The following RBFOX1 variants were observed in gnomAD, a reference collection of about 807,000 sequenced individuals.
RBFOX1 encodes the protein RNA binding protein fox-1 homolog 1.
A neutral mutation model predicts 57.7 loss-of-function variants in RBFOX1; 8 were observed. The ratio of observed to expected loss-of-function variants is 0.14; its 90% CI spans 0.08 to 0.25. RBFOX1 has a LOEUF of 0.25. Ranked by LOEUF, RBFOX1 falls within the 10% of genes least tolerant of loss-of-function variation. The probability of loss-of-function intolerance (pLI) is 1.00; values close to 1 mark genes in which losing one functional copy is unlikely to be tolerated. For synonymous variants in RBFOX1, 326 were observed against 222.4 expected, an observed-to-expected ratio of 1.47 and a Z score of -4.15; for missense variants, 611 against 548.5, an observed-to-expected ratio of 1.11 and a Z score of -1.14.
intron 3 of RBFOX1, among the ~76,000 whole-genome samples, chr16:6,864,990 T>TTTTTC (rs1275839686): frequency 1.2e-5 from 1 of 85,794 alleles, no homozygotes; most frequent in Non-Finnish European, 2.1e-5. Context: ...TGGGTTTTTC[T>TTTTTC]TTTTCTTTTT....
intron 1 of RBFOX1, among the ~76,000 whole-genome samples, chr16:6,304,573 G>A (rs978757873): frequency 2.0e-5 from 3 of 152,060 alleles, no homozygotes; most frequent in African/African-American, 7.2e-5. Flanking sequence ...ACTCAGAGGG[G>A]AGACGTTACT....
intron 4 of RBFOX1, among the ~76,000 whole-genome samples, chr16:7,350,642 A>G (rs1030142105): frequency 2.4e-4 from 36 of 152,160 alleles, no homozygotes; most frequent in Admixed American, 3.9e-4. Flanking sequence ...ACTGGTGAAG[A>G]CGACCAGTAC....
At chr16:6,903,403 G>A (rs781663015) in intron 3 of RBFOX1, among the ~76,000 whole-genome samples, 1 of 152,160 alleles carries the variant, frequency 6.6e-6, no homozygotes, top group Non-Finnish European at 1.5e-5. Flanking sequence ...CCAGTTCTGC[G>A]CTCCAATTAA....
At chr16:6,327,040 A>G (rs1417768122) in intron 2 of RBFOX1, among the ~76,000 whole-genome samples, 1 of 152,148 alleles carries the variant, frequency 6.6e-6, no homozygotes, top group African/African-American at 2.4e-5. Context: ...CTCTGAAGAC[A>G]TGGAGGAAAT....
intron 14 of RBFOX1, among the ~76,000 whole-genome samples, chr16:7,680,245 G>A (rs2074387007): frequency 6.6e-6 from 1 of 152,132 alleles, no homozygotes. Context: ...GGTTGTTGTT[G>A]CATCTTGAAG....
intron 1 of RBFOX1, among the ~76,000 whole-genome samples, chr16:6,052,625 A>G (rs1468363569): frequency 6.6e-6 from 1 of 151,866 alleles, no homozygotes; most frequent in Non-Finnish European, 1.5e-5. Context: ...TCTACTAAAA[A>G]TACAAAAAAT....
At chr16:5,692,919 AC>A (rs1237485033) in intron 3 of RBFOX1, among the ~76,000 whole-genome samples, 4 of 152,242 alleles carry the variant, frequency 2.6e-5, no homozygotes, top group African/African-American at 9.6e-5. Flanking sequence ...AGCTGGGAGG[AC>A]ACAGGTAGGT....
chr16:5,566,991 C>T (rs921702831), intron 2 of RBFOX1, among the ~76,000 whole-genome samples: 8 of 152,104 alleles, frequency 5.3e-5, no homozygotes, highest in Non-Finnish European at 1.2e-4. Flanking sequence ...GTCCAAATAC[C>T]CTAACACATT....
At chr16:6,031,276 G>T (rs974361461) in intron 1 of RBFOX1, among the ~76,000 whole-genome samples, 2 of 152,210 alleles carry the variant, frequency 1.3e-5, no homozygotes, top group East Asian at 3.9e-4. Context: ...GAAGGAGAGG[G>T]CTCTGCACAT....
At chr16:6,331,096 C>T (rs966847965) in intron 2 of RBFOX1, among the ~76,000 whole-genome samples, 10 of 152,140 alleles carry the variant, frequency 6.6e-5, no homozygotes, top group Non-Finnish European at 1.3e-4. Flanking sequence ...AAGTATTGAT[C>T]TGGCTACTGT....
intron 2 of RBFOX1, among the ~76,000 whole-genome samples, chr16:5,498,954 G>A (rs926133800): frequency 2.0e-5 from 3 of 152,166 alleles, no homozygotes; most frequent in Non-Finnish European, 4.4e-5. Context: ...GTGTGTAAGT[G>A]GCTCCTGGGC....
At chr16:7,227,733 C>T (rs1406501166) in intron 4 of RBFOX1, among the ~76,000 whole-genome samples, 1 of 152,262 alleles carries the variant, frequency 6.6e-6, no homozygotes, top group African/African-American at 2.4e-5. Context: ...CTGGCCTGCA[C>T]GCAGCACCTG....
chr16:5,320,264 A>T (rs976198491), intron 1 of RBFOX1, among the ~76,000 whole-genome samples: 10 of 152,208 alleles, frequency 6.6e-5, no homozygotes, highest in African/African-American at 2.4e-4. Context: ...CTGTATCTTG[A>T]AGGAAAAGTA....
At chr16:7,211,576 C>T (rs945769928) in intron 4 of RBFOX1, among the ~76,000 whole-genome samples, 1 of 152,026 alleles carries the variant, frequency 6.6e-6, no homozygotes, top group Non-Finnish European at 1.5e-5. Flanking sequence ...GGCCTTGAGT[C>T]TTAAAAGAGA....
Position 6,835,833 on chromosome 16 carries a change from A to C in RBFOX1, c.-16+181183A>C, listed in dbSNP as rs545739239. On this transcript the variant is annotated intron_variant, in intron 3 of 15. Coordinates refer to ENST00000550418, the MANE Select transcript of RBFOX1 (RefSeq NM_018723.4). ...GGTGTCCTGATGGATGGACAGTTCT[A>C]CTCCATAATGTGATACAGGGACCCA... 3.3e-5 allele frequency among the ~76,000 whole-genome samples: 5 copies of C among 149,838 alleles called. No homozygotes were observed. In the East Asian group the frequency reaches 7.9e-4, roughly 24 times the overall value.
At chr16:6,423,874 C>T (rs905169052) in intron 2 of RBFOX1, among the ~76,000 whole-genome samples, 2 of 152,158 alleles carry the variant, frequency 1.3e-5, no homozygotes, top group African/African-American at 2.4e-5. Flanking sequence ...CCTAGTAACA[C>T]ACAGAGGGCG....
rs1442222619 is a variant in RBFOX1 at position 6,455,709 on chromosome 16, A to G, written c.-64+138652A>G. ...AAGTGTTAATGGTCTCCTACACTTC[A>G]CAAAGCAGGAATGGAGGGGGTCGTT... On this transcript the variant is annotated intron_variant, in intron 2 of 15. Transcript: ENST00000550418. 3.3e-5 allele frequency among the ~76,000 whole-genome samples: 5 copies of G among 152,208 alleles called. No individual in the cohort carries two copies. In the East Asian group the frequency reaches 9.6e-4, roughly 29 times the overall value.
intron 2 of RBFOX1, among the ~76,000 whole-genome samples, chr16:5,520,414 AC>A (rs2043968522): frequency 6.6e-6 from 1 of 151,880 alleles, no homozygotes; most frequent in Non-Finnish European, 1.5e-5. Context: ...TGGCTAACTC[AC>A]CCCCTGTCTT....
chr16:7,607,181 A>G, intron 9 of RBFOX1, 104 bp from the exon 10 acceptor site: 1 of 1,055,288 alleles, frequency 9.5e-7, no homozygotes, highest in Non-Finnish European at 1.4e-6. Flanking sequence ...ACATTTTAAA[A>G]TACAAAATGA....
Sources: allele counts gnomAD v4.1 joint callset (sites outside exome capture counted in the v4.1 genomes callset), GRCh38; gene constraint gnomAD v4.1.1; transcripts MANE v1.5; gene names NCBI Gene and HGNC (gene_info 2026-07-23, HGNC 2026-07-21).